The following DCN variants were observed in gnomAD, a reference collection of about 807,000 sequenced individuals.
The protein encoded by DCN is bone proteoglycan II.
DCN carries 17 observed loss-of-function variants against 36.5 expected under a neutral mutation model. That is an observed-to-expected ratio of 0.47 (90% CI 0.32 to 0.70). DCN has a LOEUF of 0.70. Among genes scored for constraint, DCN ranks in the 30% least tolerant of loss-of-function variants. The pLI, the probability that DCN is intolerant of heterozygous loss-of-function variation, is 0.04. For synonymous variants in DCN, 163 were observed against 161.4 expected, an observed-to-expected ratio of 1.01 and a Z score of -0.07; for missense variants, 389 against 430.1, an observed-to-expected ratio of 0.90 and a Z score of 0.84.
chr12:91,172,675 C>T (rs1883043282), intron 2 of DCN: 2 of 667,534 alleles, frequency 3.0e-6, no homozygotes, highest in Non-Finnish European at 5.4e-6. Flanking sequence ...CAGGCATGTT[C>T]CCTTCTCTTT....
intron 2 of DCN, among the ~76,000 whole-genome samples, chr12:91,173,590 T>C (rs952709540): frequency 1.3e-5 from 2 of 152,132 alleles, no homozygotes; most frequent in African/African-American, 2.4e-5. Flanking sequence ...CACAGCCTCC[T>C]TCCCATATCA....
rs916875946 is a variant in DCN at position 91,143,131 on chromosome 12, A to G, written c.*2927T>C. On this transcript the variant is annotated 3_prime_UTR_variant, in exon 8 of 8. Coordinates refer to ENST00000052754, the MANE Select transcript of DCN (RefSeq NM_001920.5). ...AGGCATAAATTAGAGTCACGCTGCCATAAGGCAAAGAACACCTAGATTTAA... is the reference window on the plus strand; with the variant it reads ...AGGCATAAATTAGAGTCACGCTGCCGTAAGGCAAAGAACACCTAGATTTAA... 1 of 152,238 alleles carries G rather than the reference A, an allele frequency of 6.6e-6. No homozygotes were observed. The highest frequency in any genetic ancestry group is 1.5e-5 in the Non-Finnish European group (1 of 68,066). 9.4% of individuals were successfully genotyped at this position (152,238 alleles called of 1,614,324 possible).
At chr12:91,168,079 C>A (rs1332310077) in intron 2 of DCN, among the ~76,000 whole-genome samples, 4 of 152,150 alleles carry the variant, frequency 2.6e-5, no homozygotes, top group African/African-American at 9.7e-5. Flanking sequence ...GATCCACCAG[C>A]CTCGGCCTCC....
chr12:91,167,417 G>C (rs894578942), intron 2 of DCN, among the ~76,000 whole-genome samples: 1 of 150,858 alleles, frequency 6.6e-6, no homozygotes, highest in African/African-American at 2.4e-5. Flanking sequence ...AACAATAAAA[G>C]CAGTGTGGTT....
intron 2 of DCN, chr12:91,177,749 T>C (rs1434163015): frequency 4.3e-6 from 3 of 694,210 alleles, no homozygotes; most frequent in Non-Finnish European, 7.9e-6. Context: ...TTCTAAAGAA[T>C]ATAAGCAGCT....
Position 91,151,718 on chromosome 12 carries a change from A to G in DCN, c.821T>C (p.Leu274Pro). ...GGTAAGCTTGTTGTTGTCCAAGTGA[A>G]GCTCCCTCAGATGAGGCGTGTTGGC... The part of the protein sequence containing the change: ...SLANTPHLRE[L>P]HLDNNKLTRV... The change falls in exon 7 of 8, where the codon CTT becomes CCT. Residue 274 changes from leucine (L) to proline (P), a missense_variant. Leu to Pro is a moderately conservative substitution (Grantham distance 98). Transcript: ENST00000052754. 6.2e-7 allele frequency: 1 copy of G among 1,614,058 alleles called. No individual in the cohort carries two copies. Among genetic ancestry groups the G allele is most frequent in the Non-Finnish European group, 8.5e-7 (1 of 1,179,972 alleles).
At chr12:91,156,431 A>G (rs1692721092) in intron 5 of DCN, among the ~76,000 whole-genome samples, 1 of 152,232 alleles carries the variant, frequency 6.6e-6, no homozygotes, top group Non-Finnish European at 1.5e-5. Flanking sequence ...AAACAACTCA[A>G]TGAAGTGGAT....
rs142935363 is a variant in DCN at position 91,177,452 on chromosome 12, AT to A, written c.211+889del. ...CACATGGCGGAATCATGATATAAAG[AT>A]TTTTTTTTCTTTTCATCTCCAGTAA... On this transcript the variant is annotated intron_variant, in intron 2 of 7. Transcript: ENST00000052754. The A allele has an allele frequency of 1.3e-3, 812 of 635,206 alleles. 1 individual carries two copies. Among genetic ancestry groups the A allele is most frequent in the Non-Finnish European group, 1.9e-3 (669 of 356,606 alleles). The allele number at this position is 635,206 out of a possible 1,614,324, so 39.3% of individuals were successfully genotyped here.
At chr12:91,172,989 G>T (rs1883070124) in intron 2 of DCN, 2 of 435,198 alleles carry the variant, frequency 4.6e-6, no homozygotes, top group East Asian at 7.3e-5. Context: ...AGTAAAAAAG[G>T]CAGAAGTAGG....
intron 2 of DCN, among the ~76,000 whole-genome samples, chr12:91,170,704 G>A (rs3138196): frequency 0.029 from 4,396 of 152,244 alleles, 214 homozygotes; most frequent in African/African-American, 0.1. Context: ...CAACTTGGCT[G>A]TTAAGGAGAG....
At chr12:91,164,124 C>T (rs1020413196) in intron 3 of DCN, among the ~76,000 whole-genome samples, 3 of 151,954 alleles carry the variant, frequency 2.0e-5, no homozygotes, top group Non-Finnish European at 4.4e-5. Context: ...GAACAAAAAA[C>T]CAAACACCGC....
chr12:91,149,022 A>G lies in DCN; in HGVS notation c.885+2632T>C, dbSNP rs552736149. Among the ~76,000 whole-genome samples, 6 of 152,286 alleles carry G rather than the reference A, an allele frequency of 3.9e-5. No individual in the cohort carries two copies. In the East Asian group the frequency reaches 1.2e-3, roughly 29 times the overall value. On this transcript the variant is annotated intron_variant, in intron 7 of 7. Transcript: ENST00000052754. ...CAATTTATGGTTAATATTGAAAGTGAGAGAACAAAATATCAAGACGTAAGT... is the reference window on the plus strand; with the variant it reads ...CAATTTATGGTTAATATTGAAAGTGGGAGAACAAAATATCAAGACGTAAGT...
At chr12:91,163,680 A>G (rs927185205) in intron 3 of DCN, among the ~76,000 whole-genome samples, 1 of 152,240 alleles carries the variant, frequency 6.6e-6, no homozygotes, top group Admixed American at 6.5e-5. Context: ...CAAAATAAAC[A>G]TACAGATAAG....
intron 3 of DCN, among the ~76,000 whole-genome samples, chr12:91,161,776 A>T (rs1242775541): frequency 1.3e-5 from 2 of 152,064 alleles, no homozygotes; most frequent in African/African-American, 2.4e-5. Context: ...GATCGTCTAA[A>T]ACTCCTTCCT....
intron 3 of DCN, 85 bp from the exon 4 acceptor site, chr12:91,158,594 C>T (rs528624485): frequency 8.5e-4 from 680 of 798,734 alleles, no homozygotes; most frequent in Non-Finnish European, 1.4e-3. Context: ...TCATTCCATT[C>T]ATAGGGATAG....
At position 91,145,885 on chromosome 12, in the gene DCN, CT is replaced by C. The variant is rs1592674649; in HGVS notation, c.*172del. The C allele has an allele frequency of 8.3e-6, 5 of 603,312 alleles. No homozygotes were observed. In the East Asian group the frequency reaches 1.1e-4, roughly 14 times the overall value. The allele number at this position is 603,312 out of a possible 1,614,324, so 37.4% of individuals were successfully genotyped here. A position where few individuals can be genotyped will look rare whatever the true frequency, so the allele number is the denominator to read the frequency against. On this transcript the variant is annotated 3_prime_UTR_variant, in exon 8 of 8. Transcript: ENST00000052754. ...ATTCTGAAAATGGCAGGCAAAATTT[CT>C]TTTTATTGTAGGCAATTACTTAAAC...
At chr12:91,180,440 G>T (rs1201005863) in intron 1 of DCN, 1 of 152,102 alleles carries the variant, frequency 6.6e-6, no homozygotes, top group East Asian at 1.9e-4. Context: ...ATCTTTGTAT[G>T]ATCTAACCTT....
Position 91,146,174 on chromosome 12 carries a change from C to G in DCN, c.964G>C (p.Ala322Pro), listed in dbSNP as rs760834786. The change falls in exon 8 of 8, where the codon GCT becomes CCT. Residue 322 changes from alanine (A) to proline (P), a missense_variant. Transcript: ENST00000052754. The part of the protein sequence containing the change: ...FCPPGHNTKK[A>P]SYSGVSLFSN... Reference sequence around the variant, plus strand: ...AAAAGACTCACACCCGAATAAGAAGCCTTTTTGGTGTTGTGTCCAGGTGGG... The same window carrying G: ...AAAAGACTCACACCCGAATAAGAAGGCTTTTTGGTGTTGTGTCCAGGTGGG... 1.9e-6 allele frequency: 3 copies of G among 1,613,332 alleles called. No individual in the cohort carries two copies. Among genetic ancestry groups the G allele is most frequent in the African/African-American group, 1.3e-5 (1 of 74,822 alleles).
chr12:91,165,475 G>T (rs1882498150), intron 2 of DCN, among the ~76,000 whole-genome samples: 1 of 152,042 alleles, frequency 6.6e-6, no homozygotes, highest in African/African-American at 2.4e-5. Flanking sequence ...ATTACCAAAT[G>T]GTCCTGGTAT....
Sources: gnomAD v4.1 joint callset for allele counts (sites outside exome capture counted in the v4.1 genomes callset) on GRCh38, gnomAD v4.1.1 for gene constraint, MANE v1.5 for transcripts, NCBI Gene and HGNC (gene_info 2026-07-23, HGNC 2026-07-21) for gene names.